Variants in LAMP1 observed in about 807,000 individuals in gnomAD.
LAMP1 encodes lysosome associated membrane protein 1.
A neutral mutation model predicts 37.5 loss-of-function variants in LAMP1; 7 were observed. The observed-to-expected ratio is 0.19, with a 90% CI of 0.11 to 0.35. The LOEUF is 0.35. Ranked by LOEUF, LAMP1 falls within the 10% of genes least tolerant of loss-of-function variation. The pLI is 1.00. For missense variants in LAMP1, 537 were observed against 552.8 expected (o/e 0.97, Z 0.29); for synonymous variants, 236 against 229.1 (o/e 1.03, Z -0.27).
intron 2 of LAMP1, among the ~76,000 whole-genome samples, chr13:113,308,286 G>A (rs758794996): frequency 1.4e-5 from 2 of 148,076 alleles, no homozygotes; most frequent in Non-Finnish European, 3.0e-5. Flanking sequence ...AAAGTGCTGG[G>A]ATTACAGGTG....
At chr13:113,300,218 C>T (rs1434961876) in intron 1 of LAMP1, among the ~76,000 whole-genome samples, 3 of 152,136 alleles carry the variant, frequency 2.0e-5, no homozygotes, top group Non-Finnish European at 2.9e-5. Flanking sequence ...CAGTGGTTCA[C>T]GCCTGTAATC....
At chr13:113,312,124 A>T (rs1211372348) in intron 4 of LAMP1, among the ~76,000 whole-genome samples, 1 of 152,174 alleles carries the variant, frequency 6.6e-6, no homozygotes, top group African/African-American at 2.4e-5. Context: ...GCTGGGCTCC[A>T]CAGGAGGATC....
intron 1 of LAMP1, among the ~76,000 whole-genome samples, chr13:113,302,117 C>A (rs1410608969): frequency 3.9e-5 from 6 of 152,042 alleles, no homozygotes; most frequent in Non-Finnish European, 5.9e-5. Flanking sequence ...CCCACCTCGG[C>A]CTCCCAAAGT....
At chr13:113,307,552 G>A (rs2042606451) in intron 2 of LAMP1, among the ~76,000 whole-genome samples, 1 of 152,022 alleles carries the variant, frequency 6.6e-6, no homozygotes, top group Admixed American at 6.6e-5. Flanking sequence ...ATTAGTAATT[G>A]GTAAGTTGTC....
At position 113,320,208 on chromosome 13, in the gene LAMP1, G is replaced by T; in HGVS notation, c.751-137G>T. ...TTGGGATCCCGAAATCTGTACTAGT[G>T]TGGTCTTTCAGTGTTTTCCTTCTGG... On this transcript the variant is annotated intron_variant, in intron 5 of 8. Coordinates refer to ENST00000332556, the MANE Select transcript of LAMP1 (RefSeq NM_005561.4). This position sits in a 1 kb window ranked among gnomAD's most constrained non-coding sequence, Gnocchi z 4.4. 1.0e-6 allele frequency: 1 copy of T among 989,998 alleles called. No individual in the cohort carries two copies. The highest frequency in any genetic ancestry group is 1.4e-5 in the South Asian group (1 of 69,716). 61.3% of individuals were successfully genotyped at this position (989,998 alleles called of 1,614,324 possible). A position where few individuals can be genotyped will look rare whatever the true frequency, so the allele number is the denominator to read the frequency against.
Position 113,322,315 on chromosome 13 carries a change from T to A in LAMP1, c.1148T>A (p.Leu383Gln), listed in dbSNP as rs1443476915. 1 of 1,613,792 alleles carries A rather than the reference T, an allele frequency of 6.2e-7. No individual in the cohort carries two copies. The highest frequency in any genetic ancestry group is 1.1e-5 in the South Asian group (1 of 91,056). Residue 383 changes from leucine (L) to glutamine (Q), a missense_variant, in exon 9 of 9, where the codon CTG becomes CAG. Coordinates refer to ENST00000332556, the MANE Select transcript of LAMP1 (RefSeq NM_005561.4). ...EECLLDENSMLIPIAVGGALA... is the reference protein window; with the variant it reads ...EECLLDENSMQIPIAVGGALA... Reference sequence around the variant, plus strand: ...TGTCTGCTGGACGAGAACAGCATGCTGATCCCCATCGCTGTGGGTGGTGCC... The same window carrying A: ...TGTCTGCTGGACGAGAACAGCATGCAGATCCCCATCGCTGTGGGTGGTGCC...
At chr13:113,307,232 G>A (rs1178569125) in intron 2 of LAMP1, among the ~76,000 whole-genome samples, 1 of 148,198 alleles carries the variant, frequency 6.7e-6, no homozygotes, top group Non-Finnish European at 1.5e-5. Flanking sequence ...ATCTGAGCTC[G>A]CCACAACCTC....
chr13:113,310,648 A>C, intron 3 of LAMP1, 61 bp from the exon 4 acceptor site: 2 of 1,247,820 alleles, frequency 1.6e-6, no homozygotes, highest in Non-Finnish European at 2.2e-6. Flanking sequence ...TAAAATAAAA[A>C]ACACATAAAC....
chr13:113,317,644 T>C (rs1457774109), intron 4 of LAMP1, among the ~76,000 whole-genome samples: 1 of 151,902 alleles, frequency 6.6e-6, no homozygotes, highest in Non-Finnish European at 1.5e-5. Context: ...ACATTTAACT[T>C]TTGCCTGTTT....
intron 1 of LAMP1, among the ~76,000 whole-genome samples, chr13:113,298,824 T>G (rs1290832307): frequency 6.6e-6 from 1 of 152,232 alleles, no homozygotes; most frequent in Non-Finnish European, 1.5e-5. Context: ...GCCTCATAAC[T>G]TTGATGTTTT....
At chr13:113,301,642 AAAATATATATATATATATATATATAT>A (rs796875885) in intron 1 of LAMP1, among the ~76,000 whole-genome samples, 17,539 of 37,436 alleles carry the variant, frequency 0.47, 2,788 homozygotes, top group Non-Finnish European at 0.48. Context: ...AAAAAAAAAA[AAAATATATATATATATATATATATAT>A]ATATATATAT....
chr13:113,316,002 CTGAGG>C lies in LAMP1; in HGVS notation c.563-3466_563-3462del, dbSNP rs112724163. ...CCTGTAGTCCCCCCTACTCAGGAGG[CTGAGG>C]CAGGAGAATTGCTTGAACCCGAGAG... On this transcript the variant is annotated intron_variant, in intron 4 of 8. Coordinates refer to ENST00000332556, the MANE Select transcript of LAMP1 (RefSeq NM_005561.4). Among the ~76,000 whole-genome samples the C allele has an allele frequency of 1.2e-3, 185 of 152,242 alleles. 1 individual carries two copies. Among genetic ancestry groups the C allele is most frequent in the African/African-American group, 4.2e-3 (175 of 41,556 alleles).
At chr13:113,318,729 G>A (rs2042680112) in intron 4 of LAMP1, among the ~76,000 whole-genome samples, 2 of 151,960 alleles carry the variant, frequency 1.3e-5, no homozygotes, top group Admixed American at 6.6e-5. Flanking sequence ...CTCTTGTCTG[G>A]GGATTTCAGA....
At chr13:113,303,056 T>G (rs2042582035) in intron 1 of LAMP1, among the ~76,000 whole-genome samples, 1 of 152,234 alleles carries the variant, frequency 6.6e-6, no homozygotes, top group Non-Finnish European at 1.5e-5. Context: ...CCTCTGTACC[T>G]GTGCAGATGT....
intron 1 of LAMP1, among the ~76,000 whole-genome samples, chr13:113,299,846 G>A (rs906564398): frequency 3.9e-5 from 6 of 152,106 alleles, no homozygotes; most frequent in African/African-American, 1.2e-4. Flanking sequence ...TTACAGCCAT[G>A]AGCCACCGTG....
At chr13:113,322,240 C>G in intron 8 of LAMP1, 42 bp from the exon 9 acceptor site, 2 of 1,577,476 alleles carry the variant, frequency 1.3e-6, no homozygotes, top group South Asian at 2.3e-5. Context: ...TTGCAGGCCC[C>G]TGTGTGAGCA....
intron 1 of LAMP1, among the ~76,000 whole-genome samples, chr13:113,302,669 C>T (rs954277610): frequency 1.3e-5 from 2 of 151,782 alleles, no homozygotes; most frequent in South Asian, 4.2e-4. Flanking sequence ...CTCAAGCAGT[C>T]CTCCGCTTCC....
At chr13:113,314,101 C>T (rs1454675192) in intron 4 of LAMP1, among the ~76,000 whole-genome samples, 2 of 86,470 alleles carry the variant, frequency 2.3e-5, no homozygotes, top group Non-Finnish European at 4.3e-5. Context: ...TGTGGAGATG[C>T]CCGTGTGCCT....
At chr13:113,298,407 T>A (rs2042553820) in intron 1 of LAMP1, among the ~76,000 whole-genome samples, 1 of 146,920 alleles carries the variant, frequency 6.8e-6, no homozygotes. Flanking sequence ...TTTCACCTCC[T>A]CCCCCCGCCG....
Sources: allele counts gnomAD v4.1 joint callset (sites outside exome capture counted in the v4.1 genomes callset), GRCh38; gene constraint gnomAD v4.1.1; non-coding constraint Gnocchi (gnomAD v3.1); transcripts MANE v1.5; gene names NCBI Gene and HGNC (gene_info 2026-07-23, HGNC 2026-07-21).